The following NR1I2 variants were observed in gnomAD, a reference collection of about 807,000 sequenced individuals.
NR1I2 encodes nuclear receptor subfamily 1 group I member 2.
NR1I2 carries 42 observed loss-of-function variants against 43.3 expected under a neutral mutation model. The observed-to-expected ratio is 0.97, with a 90% CI of 0.76 to 1.26. NR1I2 has a LOEUF of 1.26. NR1I2 is among the 50% of genes most tolerant of loss of function. The probability of loss-of-function intolerance (pLI) is 0.00; values close to 1 mark genes in which losing one functional copy is unlikely to be tolerated. For synonymous variants in NR1I2, 229 were observed against 215.0 expected, an observed-to-expected ratio of 1.06 and a Z score of -0.57; for missense variants, 559 against 566.7, an observed-to-expected ratio of 0.99 and a Z score of 0.14.
At chr3:119,804,786 C>T (rs745555614) in intron 1 of NR1I2, among the ~76,000 whole-genome samples, 23 of 152,080 alleles carry the variant, frequency 1.5e-4, no homozygotes, top group Non-Finnish European at 2.6e-4. Flanking sequence ...GTTTTCTATT[C>T]GTCTCACCCT....
chr3:119,817,788 C>A lies in NR1I2; in HGVS notation c.*576C>A. On this transcript the variant is annotated 3_prime_UTR_variant, in exon 9 of 9. Transcript: ENST00000393716. ...GAGATGAGAAGCCAGGAGGCCTGCACCAAATGTCAGAAGCTTGGCATGACC... is the reference window on the plus strand; with the variant it reads ...GAGATGAGAAGCCAGGAGGCCTGCAACAAATGTCAGAAGCTTGGCATGACC... 1.0e-6 allele frequency: 1 copy of A among 1,001,358 alleles called. No individual in the cohort carries two copies. Among genetic ancestry groups the A allele is most frequent in the Non-Finnish European group, 1.2e-6 (1 of 838,200 alleles). The allele number at this position is 1,001,358 out of a possible 1,614,324, so 62.0% of individuals were successfully genotyped here. A position where few individuals can be genotyped will look rare whatever the true frequency, so the allele number is the denominator to read the frequency against.
chr3:119,815,880 G>A (rs752171293), intron 8 of NR1I2, 49 bp downstream of exon 8: 20 of 1,469,622 alleles, frequency 1.4e-5, no homozygotes, highest in Admixed American at 7.7e-5. Context: ...TGAGGGAGCC[G>A]AGGTTCAGGG....
chr3:119,789,436 G>C (rs2054888291), intron 1 of NR1I2, among the ~76,000 whole-genome samples: 1 of 152,154 alleles, frequency 6.6e-6, no homozygotes, highest in Non-Finnish European at 1.5e-5. Context: ...GCAAGAGAGA[G>C]AATGAGAACC....
chr3:119,806,962 C>T (rs2055169137), intron 1 of NR1I2, among the ~76,000 whole-genome samples: 1 of 152,190 alleles, frequency 6.6e-6, no homozygotes, highest in Non-Finnish European at 1.5e-5. Flanking sequence ...CTTCTCATTT[C>T]TTCCTCCCTC....
Position 119,810,080 on chromosome 3 carries a change from G to A in NR1I2, c.217G>A (p.Ala73Thr). 6.2e-7 allele frequency: 1 copy of A among 1,613,896 alleles called. No individual in the cohort carries two copies. Among genetic ancestry groups the A allele is most frequent in the Non-Finnish European group, 8.5e-7 (1 of 1,179,940 alleles). Residue 73 changes from alanine (A) to threonine (T), a missense_variant, in exon 3 of 9, where the codon GCC becomes ACC. Physicochemically the swap from Ala to Thr is moderately conservative, Grantham distance 58 (BLOSUM62 0). Transcript: ENST00000393716. ...TCACAGGAGGGCCATGAAACGCAAC[G>A]CCCGGCTGAGGTGCCCCTTCCGGAA... is the stretch of plus-strand genomic sequence containing the variant.
At chr3:119,789,528 G>A (rs1265084733) in intron 1 of NR1I2, among the ~76,000 whole-genome samples, 3 of 152,136 alleles carry the variant, frequency 2.0e-5, no homozygotes, top group Admixed American at 6.5e-5. Flanking sequence ...TGGGGGAACC[G>A]CCCCCATGAT....
At chr3:119,786,666 C>A (rs934986628) in intron 1 of NR1I2, among the ~76,000 whole-genome samples, 1 of 152,164 alleles carries the variant, frequency 6.6e-6, no homozygotes, top group Non-Finnish European at 1.5e-5. Flanking sequence ...AGCTCTCAAC[C>A]CTGATCTGTG....
intron 5 of NR1I2, among the ~76,000 whole-genome samples, chr3:119,814,049 C>G (rs975054163): frequency 7.2e-5 from 11 of 152,150 alleles, no homozygotes; most frequent in Admixed American, 7.2e-4. Context: ...AGGTCCTAAG[C>G]TGGGCAATGG....
At chr3:119,800,179 C>T (rs531882949) in intron 1 of NR1I2, among the ~76,000 whole-genome samples, 17 of 152,200 alleles carry the variant, frequency 1.1e-4, no homozygotes, top group African/African-American at 2.4e-4. Flanking sequence ...GTGTATGGCA[C>T]GAGATAAGAG....
At position 119,807,391 on chromosome 3, in the gene NR1I2, G is replaced by A. The variant is rs563653965; in HGVS notation, c.141G>A (p.Lys47=). ...AAATCTGCCGTGTATGTGGGGACAA[G>A]GCCACTGGCTATCACTTCAATGTCA... The change falls in exon 2 of 9, where the codon AAG becomes AAA. Residue 47 remains lysine, a synonymous_variant. Coordinates refer to ENST00000393716, the MANE Select transcript of NR1I2 (RefSeq NM_003889.4). The A allele has an allele frequency of 1.9e-6, 3 of 1,614,180 alleles. No homozygotes were observed. In the South Asian group the frequency reaches 3.3e-5, roughly 18 times the overall value.
chr3:119,786,874 G>T (rs2054849554), intron 1 of NR1I2, among the ~76,000 whole-genome samples: 1 of 152,092 alleles, frequency 6.6e-6, no homozygotes, highest in Admixed American at 6.5e-5. Context: ...AATAATACTT[G>T]ATTTGTTTCA....
chr3:119,807,531 C>T, intron 2 of NR1I2, 84 bp downstream of exon 2: 5 of 1,224,394 alleles, frequency 4.1e-6, no homozygotes, highest in Non-Finnish European at 6.0e-6. Flanking sequence ...ACCTGTCCCC[C>T]AGGTTCAGAG....
At chr3:119,811,104 C>G (rs1311804149) in intron 3 of NR1I2, 1 of 166,066 alleles carries the variant, frequency 6.0e-6, no homozygotes, top group African/African-American at 2.4e-5. Context: ...TATTAGGCAC[C>G]CTACATGCAA....
chr3:119,808,491 G>A (rs1240673997), intron 2 of NR1I2, among the ~76,000 whole-genome samples: 2 of 152,252 alleles, frequency 1.3e-5, no homozygotes, highest in African/African-American at 4.8e-5. Flanking sequence ...TTGACTGTGT[G>A]GAAGAGGGTG....
chr3:119,787,956 G>A (rs1043341642), intron 1 of NR1I2, among the ~76,000 whole-genome samples: 14 of 151,796 alleles, frequency 9.2e-5, no homozygotes, highest in Admixed American at 6.6e-4. Context: ...TCAAATTCAA[G>A]TTGCCCACTC....
At chr3:119,815,593 C>A in intron 7 of NR1I2, 133 bp from the exon 8 acceptor site, 1 of 1,013,718 alleles carries the variant, frequency 9.9e-7, no homozygotes, top group Non-Finnish European at 1.5e-6. Flanking sequence ...GATGCCCAGC[C>A]CTGGTCTTCC....
Position 119,806,674 on chromosome 3 carries a change from G to A in NR1I2, c.-22-555G>A, listed in dbSNP as rs544948968. ...CAGGCCATTTTTCTTCCCATGTTGT[G>A]ATCTTGCCCACCATGCCTCCACTTT... On this transcript the variant is annotated intron_variant, in intron 1 of 8. Transcript: ENST00000393716. 2.6e-5 allele frequency among the ~76,000 whole-genome samples: 4 copies of A among 152,270 alleles called. No homozygotes were observed. In the South Asian group the frequency reaches 8.3e-4, roughly 32 times the overall value.
intron 1 of NR1I2, chr3:119,782,765 TCAC>T: frequency 1.9e-6 from 3 of 1,613,744 alleles, no homozygotes; most frequent in Non-Finnish European, 2.5e-6. Context: ...AGCATGACAG[TCAC>T]CAGGACTCAC....
intron 1 of NR1I2, among the ~76,000 whole-genome samples, chr3:119,787,657 ATGTGTGTGTGTGTGTGTG>A (rs3030846): frequency 1.9e-4 from 24 of 128,512 alleles, no homozygotes; most frequent in South Asian, 8.5e-4. Context: ...TGCTATTAAT[ATGTGTGTGTGTGTGTGTG>A]TGTGTGTGTG....
Sources: allele counts gnomAD v4.1 joint callset (sites outside exome capture counted in the v4.1 genomes callset), GRCh38; gene constraint gnomAD v4.1.1; transcripts MANE v1.5; gene names NCBI Gene and HGNC (gene_info 2026-07-23, HGNC 2026-07-21).